Variants in LEMD1 observed in about 807,000 individuals in gnomAD.
LEMD1 encodes LEM domain containing 1.
Under a neutral mutation model 17.4 loss-of-function variants are expected in LEMD1, and 18 were observed. That is an observed-to-expected ratio of 1.04 (90% confidence interval 0.72 to 1.54). The LOEUF (loss-of-function observed/expected upper bound fraction) is 1.54, where lower values mean the gene tolerates loss of function less well. Ranked by LOEUF, LEMD1 falls within the 40% of genes most tolerant of loss-of-function variation. The pLI, the probability that LEMD1 is intolerant of heterozygous loss-of-function variation, is 0.00. For missense variants in LEMD1, 195 were observed against 210.4 expected, an observed-to-expected ratio of 0.93 and a Z score of 0.45; for synonymous variants, 88 against 77.8, an observed-to-expected ratio of 1.13 and a Z score of -0.69.
At chr1:205,424,829 G>A (rs531966155), upstream of LEMD1, among the ~76,000 whole-genome samples, 8 of 152,206 alleles carry the variant, frequency 5.3e-5, no homozygotes, top group Non-Finnish European at 8.8e-5. Context: ...GGCACACGTA[G>A]AGGTTTATAA....
intron 4 of LEMD1, among the ~76,000 whole-genome samples, chr1:205,415,023 G>A (rs937422924): frequency 6.6e-6 from 1 of 152,122 alleles, no homozygotes; most frequent in African/African-American, 2.4e-5. Flanking sequence ...TGCAGGGAGG[G>A]GGCAGTCCAG....
At chr1:205,408,485 T>C (rs1665227921) in intron 4 of LEMD1, among the ~76,000 whole-genome samples, 1 of 132,480 alleles carries the variant, frequency 7.5e-6, no homozygotes, top group Non-Finnish European at 1.6e-5. Context: ...AATAACTTTT[T>C]CTTTCTTTCT....
intron 1 of LEMD1, among the ~76,000 whole-genome samples, chr1:205,444,537 C>A (rs1666351152): frequency 6.6e-6 from 1 of 152,132 alleles, no homozygotes. Context: ...GTCCTCCAAC[C>A]CTTGCACCTC....
chr1:205,426,142 T>C (rs1666052383), upstream of LEMD1, among the ~76,000 whole-genome samples: 1 of 152,228 alleles, frequency 6.6e-6, no homozygotes, highest in Admixed American at 6.5e-5. Flanking sequence ...TTTTCTGAGC[T>C]GCTGCTTAAA....
intron 4 of LEMD1, among the ~76,000 whole-genome samples, chr1:205,392,601 T>G (rs1240249275): frequency 6.6e-6 from 1 of 151,376 alleles, no homozygotes; most frequent in African/African-American, 2.4e-5. Context: ...AATGGCAGAA[T>G]AGAGAAGACA....
intron 4 of LEMD1, chr1:205,385,187 A>C (rs890985534): frequency 1.3e-5 from 2 of 152,026 alleles, no homozygotes; most frequent in African/African-American, 4.8e-5. Flanking sequence ...GCCCTAATAT[A>C]CACATTTTGT....
chr1:205,392,190 T>A (rs1664375973), intron 4 of LEMD1, among the ~76,000 whole-genome samples: 1 of 152,068 alleles, frequency 6.6e-6, no homozygotes, highest in East Asian at 1.9e-4. Flanking sequence ...ATGATACAAA[T>A]GTTGGAATTA....
At chr1:205,415,617 G>A (rs982890431) in intron 4 of LEMD1, among the ~76,000 whole-genome samples, 1 of 152,224 alleles carries the variant, frequency 6.6e-6, no homozygotes, top group Non-Finnish European at 1.5e-5. Context: ...GTTATGGGCT[G>A]TGTTTGATGC....
At chr1:205,418,784 G>A (rs1270401788) in intron 3 of LEMD1, among the ~76,000 whole-genome samples, 1 of 152,184 alleles carries the variant, frequency 6.6e-6, no homozygotes, top group African/African-American at 2.4e-5. Context: ...CCAAAGTGCT[G>A]GAATTACATG....
At chr1:205,415,479 C>A (rs2102425663) in intron 4 of LEMD1, among the ~76,000 whole-genome samples, 1 of 152,098 alleles carries the variant, frequency 6.6e-6, no homozygotes, top group African/African-American at 2.4e-5. Flanking sequence ...AGATACAGAA[C>A]CAAGAACCAA....
chr1:205,438,326 C>T (rs1240497812), intron 1 of LEMD1, among the ~76,000 whole-genome samples: 1 of 152,238 alleles, frequency 6.6e-6, no homozygotes, highest in Non-Finnish European at 1.5e-5. Context: ...CTCAGGGCCC[C>T]CACCTCAAGG....
chr1:205,386,752 C>T (rs937595630), intron 4 of LEMD1: 1 of 152,206 alleles, frequency 6.6e-6, no homozygotes, highest in Non-Finnish European at 1.5e-5. Flanking sequence ...TTTACATACC[C>T]TTACCACATA....
At chr1:205,394,159 T>C (rs1372312838) in intron 4 of LEMD1, among the ~76,000 whole-genome samples, 1 of 109,800 alleles carries the variant, frequency 9.1e-6, no homozygotes, top group Admixed American at 1.5e-4. Context: ...CCAGAAGAAG[T>C]AAATCCATTA....
At chr1:205,396,329 A>G (rs1664590247) in intron 4 of LEMD1, among the ~76,000 whole-genome samples, 1 of 152,202 alleles carries the variant, frequency 6.6e-6, no homozygotes, top group Non-Finnish European at 1.5e-5. Flanking sequence ...TTCTTAATAT[A>G]TTACTGGGGG....
chr1:205,438,006 G>A (rs2102461196), intron 1 of LEMD1: 1 of 152,286 alleles, frequency 6.6e-6, no homozygotes, highest in Non-Finnish European at 1.5e-5. Flanking sequence ...CCTGGGAGCA[G>A]AGAAGGAAAT....
At chr1:205,400,852 C>CG (rs1469997081) in intron 4 of LEMD1, among the ~76,000 whole-genome samples, 1 of 118,840 alleles carries the variant, frequency 8.4e-6, no homozygotes, top group African/African-American at 2.9e-5. Flanking sequence ...CTCCCCCCCC[C>CG]CACCCCACAA....
At chr1:205,393,456 A>T (rs1664436521) in intron 4 of LEMD1, among the ~76,000 whole-genome samples, 1 of 151,944 alleles carries the variant, frequency 6.6e-6, no homozygotes, top group Non-Finnish European at 1.5e-5. Flanking sequence ...TGGATGGATC[A>T]CTTCAGGTTA....
At chr1:205,400,236 G>GT (rs893263500) in intron 4 of LEMD1, among the ~76,000 whole-genome samples, 1 of 152,066 alleles carries the variant, frequency 6.6e-6, no homozygotes, top group Non-Finnish European at 1.5e-5. Context: ...TAATTTTTAT[G>GT]TTTTTTTGTA....
At chr1:205,419,079 C>A in intron 3 of LEMD1, 151 bp downstream of exon 3, 1 of 798,258 alleles carries the variant, frequency 1.3e-6, no homozygotes, top group Non-Finnish European at 1.9e-6. Flanking sequence ...TTTTACAGCC[C>A]AGGGGCCTAT....
Sources: allele counts gnomAD v4.1 joint callset (sites outside exome capture counted in the v4.1 genomes callset), GRCh38; gene constraint gnomAD v4.1.1; transcripts MANE v1.5; gene names NCBI Gene and HGNC (gene_info 2026-07-23, HGNC 2026-07-21).